Variants in ARL10 observed in about 807,000 individuals in gnomAD.
ARL10 encodes ADP-ribosylation factor-like protein 10.
In ARL10, 23 loss-of-function variants were observed where a neutral mutation model predicts 26.1. The observed-to-expected ratio is 0.88, with a 90% CI of 0.63 to 1.25. ARL10 has a LOEUF of 1.25. Ranked by LOEUF, ARL10 falls within the 50% of genes most tolerant of loss-of-function variation. The pLI is 0.00. For synonymous variants in ARL10, 138 were observed against 149.1 expected (o/e 0.93, Z 0.54); for missense variants, 300 against 323.6 (o/e 0.93, Z 0.56).
chr5:176,407,147 C>T, the ARL10 span, among the ~76,000 whole-genome samples: 23 of 152,296 alleles, frequency 1.5e-4, no homozygotes, highest in Non-Finnish European at 2.6e-4. Context: ...AGCTCACCCA[C>T]GGCTGACAGG....
downstream of ARL10, chr5:176,383,857 A>C: frequency 2.2e-6 from 2 of 914,982 alleles, no homozygotes; most frequent in Non-Finnish European, 3.2e-6. Context: ...GACAGGCGGG[A>C]TGGCCTCTCA....
chr5:176,375,327 T>TCCACCCAC lies in ARL10; in HGVS notation c.*3435_*3436insCCCACCCA. On this transcript the variant is annotated 3_prime_UTR_variant, in exon 4 of 4. Coordinates refer to ENST00000310389, the MANE Select transcript of ARL10 (RefSeq NM_173664.6). The stretch of plus-strand genomic sequence containing the variant: ...ATCCATCCATCCATCCATCCATCCA[T>TCCACCCAC]CCATCCATCATCCACCCATCCATCC... 3.8e-5 allele frequency: 2 copies of TCCACCCAC among 52,358 alleles called. No homozygotes were observed. The highest frequency in any genetic ancestry group is 1.3e-4 in the African/African-American group (2 of 15,512). The allele number at this position is 52,358 out of a possible 1,614,324, so 3.2% of individuals were successfully genotyped here. A position where few individuals can be genotyped will look rare whatever the true frequency, so the allele number is the denominator to read the frequency against.
Position 176,365,489 on chromosome 5 carries a change from T to C in ARL10, c.-75T>C, listed in dbSNP as rs1768246218. 9.0e-7 allele frequency: 1 copy of C among 1,114,360 alleles called. No individual in the cohort carries two copies. Among genetic ancestry groups the C allele is most frequent in the Non-Finnish European group, 1.1e-6 (1 of 887,836 alleles). The allele number at this position is 1,114,360 out of a possible 1,614,324, so 69.0% of individuals were successfully genotyped here. ...GGGTGGGTGGGCGCGGCCGCAGCAG[T>C]CGCAGCGGGGCCATCTTCGGCGGGC... is the stretch of plus-strand genomic sequence containing the variant. On this transcript the variant is annotated 5_prime_UTR_variant, in exon 1 of 4. Transcript: ENST00000310389.
the ARL10 span, among the ~76,000 whole-genome samples, chr5:176,406,867 C>T: frequency 1.1e-4 from 16 of 152,150 alleles, no homozygotes; most frequent in African/African-American, 2.4e-4. Context: ...GTGACCCAGG[C>T]GCTGTGGCCA....
chr5:176,371,993 G>A lies in ARL10; in HGVS notation c.*98G>A. ...GGCCTGGGGCAAGAGCCACATGGCA[G>A]CATTTCCCTTTTCCCCTCCTTTGCC... is the stretch of plus-strand genomic sequence containing the variant. On this transcript the variant is annotated 3_prime_UTR_variant, in exon 4 of 4. Transcript: ENST00000310389. 5 of 1,493,226 alleles carry A rather than the reference G, an allele frequency of 3.3e-6. No individual in the cohort carries two copies. In the Admixed American group the frequency reaches 9.2e-5, roughly 27 times the overall value. The allele number at this position is 1,493,226 out of a possible 1,614,324, so 92.5% of individuals were successfully genotyped here.
downstream of ARL10, chr5:176,384,253 T>G: frequency 6.2e-7 from 1 of 1,614,228 alleles, no homozygotes; most frequent in Non-Finnish European, 8.5e-7. Flanking sequence ...CATCTTCCTC[T>G]TCTGCAAAGA....
chr5:176,414,893 CACAG>C, the ARL10 span, among the ~76,000 whole-genome samples: 5 of 152,238 alleles, frequency 3.3e-5, no homozygotes, highest in African/African-American at 1.2e-4. Context: ...CGTCCTGACA[CACAG>C]TAGGTGCTCA....
downstream of ARL10, among the ~76,000 whole-genome samples, chr5:176,390,747 T>C (rs541776232): frequency 1.3e-5 from 2 of 152,286 alleles, no homozygotes; most frequent in African/African-American, 4.8e-5. Context: ...ACGCCCAGCC[T>C]AGACCATCTG....
At chr5:176,398,077 A>G in intron 1 of ARL10, 1 of 1,597,178 alleles carries the variant, frequency 6.3e-7, no homozygotes, top group Non-Finnish European at 8.6e-7. Context: ...CAGTCTATCC[A>G]GCCAGCACAC....
At chr5:176,390,195 A>C (rs1756208346), downstream of ARL10, among the ~76,000 whole-genome samples, 1 of 151,442 alleles carries the variant, frequency 6.6e-6, no homozygotes, top group Non-Finnish European at 1.5e-5. Flanking sequence ...AAAAAAAAAA[A>C]AAAAAAAAGA....
Position 176,393,908 on chromosome 5 carries a change from A to G in ARL10, c.134-7833A>G, listed in dbSNP as rs1194821784. Among the ~76,000 whole-genome samples the G allele has an allele frequency of 6.6e-6, 1 of 152,190 alleles. No homozygotes were observed. Among genetic ancestry groups the G allele is most frequent in the African/African-American group, 2.4e-5 (1 of 41,440 alleles). On this transcript the variant is annotated intron_variant, in intron 1 of 1. Coordinates refer to the ARL10 transcript ENST00000514533. The surrounding 1 kb of genome is among the most constrained non-coding windows in gnomAD (Gnocchi z 4.4). ...GTTTGGCCAGCGAGGGTCGCTCACA[A>G]GTCCCTGGAAGCCCCCTCTCCATCT...
rs1468251289 is a variant in ARL10 at position 176,375,109 on chromosome 5, C to CA, written c.*3214_*3215insA. The CA allele has an allele frequency of 6.8e-6, 1 of 146,688 alleles. No individual in the cohort carries two copies. Among genetic ancestry groups the CA allele is most frequent in the Admixed American group, 6.8e-5 (1 of 14,704 alleles). 9.1% of individuals were successfully genotyped at this position (146,688 alleles called of 1,614,324 possible). Reference sequence around the variant, plus strand: ...CCATCCATCCATCCATCCATCCATCCCTCCATCCGTCCACCCGTCCACCCG... The same window carrying CA: ...CCATCCATCCATCCATCCATCCATCCACTCCATCCGTCCACCCGTCCACCCG... On this transcript the variant is annotated 3_prime_UTR_variant, in exon 4 of 4. Transcript: ENST00000310389.
chr5:176,390,056 C>G (rs566825446), downstream of ARL10, among the ~76,000 whole-genome samples: 19 of 151,984 alleles, frequency 1.3e-4, no homozygotes, highest in African/African-American at 3.9e-4. Flanking sequence ...GTGTTGCGTG[C>G]CTGTAATCCC....
chr5:176,409,280 T>C, the ARL10 span, among the ~76,000 whole-genome samples: 1 of 130,360 alleles, frequency 7.7e-6, no homozygotes, highest in Admixed American at 8.2e-5. Flanking sequence ...AGCCCAAACA[T>C]ATTTTTAAAA....
exon 2 of ARL10, chr5:176,388,381 G>C (rs758108765): frequency 6.2e-7 from 1 of 1,612,502 alleles, no homozygotes; most frequent in Non-Finnish European, 8.5e-7. Flanking sequence ...CCGTCATCTC[G>C]CGGACCGTCC....
intron 1 of ARL10, chr5:176,397,750 T>C: frequency 6.3e-7 from 1 of 1,598,278 alleles, no homozygotes; most frequent in Non-Finnish European, 8.6e-7. Context: ...AGTGGCTGCT[T>C]TCCAGCTGGG....
chr5:176,369,155 G>A (rs1561772910), intron 3 of ARL10, 173 bp downstream of exon 3: 12 of 1,534,258 alleles, frequency 7.8e-6, no homozygotes, highest in Non-Finnish European at 1.0e-5. Context: ...CTTCCTCTTT[G>A]CCTCCCTATC....
chr5:176,398,081 A>T lies in ARL10; in HGVS notation c.134-3660A>T, dbSNP rs562249986. On this transcript the variant is annotated intron_variant, in intron 1 of 1. Coordinates refer to the ARL10 transcript ENST00000514533. The stretch of plus-strand genomic sequence containing the variant: ...CAAACACGCAGCAGTCTATCCAGCC[A>T]GCACACCTGCCCCGCTGTCTCTGCT... 3.1e-6 allele frequency: 5 copies of T among 1,589,814 alleles called. No homozygotes were observed. The East Asian group carries it at 6.7e-5, about 21-fold the overall frequency.
chr5:176,387,750 A>G (rs988521746), intron 1 of ARL10, among the ~76,000 whole-genome samples: 1 of 152,152 alleles, frequency 6.6e-6, no homozygotes, highest in South Asian at 2.1e-4. Flanking sequence ...AAAACCACAA[A>G]AATCAGCCGG....
Sources: gnomAD v4.1 joint callset for allele counts (sites outside exome capture counted in the v4.1 genomes callset) on GRCh38, gnomAD v4.1.1 for gene constraint, Gnocchi (gnomAD v3.1) non-coding constraint, MANE v1.5 for transcripts, NCBI Gene and HGNC (gene_info 2026-07-23, HGNC 2026-07-21) for gene names.